The following CASZ1 variants were observed in gnomAD, a reference collection of about 807,000 sequenced individuals.
The protein encoded by CASZ1 is castor zinc finger 1, also known as zinc finger protein castor homolog 1.
Under a neutral mutation model 135.2 loss-of-function variants are expected in CASZ1, and 28 were observed. The observed-to-expected ratio is 0.21, with a 90% CI of 0.15 to 0.28. The LOEUF (loss-of-function observed/expected upper bound fraction) is 0.28. Ranked by LOEUF, CASZ1 falls within the 10% of genes least tolerant of loss-of-function variation. The pLI is 1.00. For synonymous variants in CASZ1, 1,068 were observed against 1,073.4 expected (o/e 0.99, Z 0.10); for missense variants, 2,161 against 2,453.3 (o/e 0.88, Z 2.52).
intron 4 of CASZ1, among the ~76,000 whole-genome samples, chr1:10,674,420 C>T (rs182023464): frequency 7.9e-5 from 12 of 152,378 alleles, no homozygotes; most frequent in Admixed American, 6.5e-4. Context: ...TTCCCCGGCA[C>T]CGCTGCTGCG....
chr1:10,788,003 A>T lies in CASZ1; in HGVS notation c.-234+8561T>A, dbSNP rs11121621. 0.2 allele frequency among the ~76,000 whole-genome samples: 30,674 copies of T among 152,112 alleles called. 3,531 individuals are homozygous for T. Among genetic ancestry groups the T allele is most frequent in the South Asian group, 0.36 (1,727 of 4,822 alleles). On this transcript the variant is annotated intron_variant, in intron 1 of 20. Transcript: ENST00000377022. This position sits in a 1 kb window ranked among gnomAD's most constrained non-coding sequence, Gnocchi z 4.1. ...GAATTGTGCTATTCTCCATGCTGACATCTCTCCACAGAGCAAACTATCCAA... is the reference window on the plus strand; with the variant it reads ...GAATTGTGCTATTCTCCATGCTGACTTCTCTCCACAGAGCAAACTATCCAA...
chr1:10,659,020 GC>G (rs549159816), intron 6 of CASZ1, among the ~76,000 whole-genome samples: 5 of 152,140 alleles, frequency 3.3e-5, no homozygotes, highest in African/African-American at 4.8e-5. Flanking sequence ...GGGTCCGGGA[GC>G]CCCCCCAGGG....
At chr1:10,796,224 T>C (rs925229713) in intron 1 of CASZ1, among the ~76,000 whole-genome samples, 1 of 150,014 alleles carries the variant, frequency 6.7e-6, no homozygotes, top group Admixed American at 6.6e-5. Context: ...ACCCCCTCAG[T>C]TGGAGTAAGC....
At chr1:10,768,834 C>A (rs1035845173) in intron 1 of CASZ1, among the ~76,000 whole-genome samples, 1 of 152,206 alleles carries the variant, frequency 6.6e-6, no homozygotes, top group Non-Finnish European at 1.5e-5. Flanking sequence ...ATGCACCAAC[C>A]TCCCAGGAAT....
In CASZ1 at chr1:10,653,741, G is replaced by A. The variant is rs1243101483; in HGVS notation, c.2316C>T (p.Ile772=). 1.9e-6 allele frequency: 3 copies of A among 1,609,582 alleles called. No individual in the cohort carries two copies. Among genetic ancestry groups the A allele is most frequent in the Non-Finnish European group, 2.5e-6 (3 of 1,177,780 alleles). ...PSATKPPNSK[I]SGLLPQGLPG... is the part of the protein sequence containing the mutation. ...GCAGGCCCTGGGGCAGCAGCCCCGAGATCTTGCTGTTGGGAGGTTTGGTGG... is the reference window on the plus strand; with the variant it reads ...GCAGGCCCTGGGGCAGCAGCCCCGAAATCTTGCTGTTGGGAGGTTTGGTGG... The change falls in exon 11 of 21, where the codon ATC becomes ATT. Residue 772 remains isoleucine (I), a synonymous_variant. Transcript: ENST00000377022.
chr1:10,638,877 G>C lies in CASZ1; in HGVS notation c.*65C>G. The C allele has an allele frequency of 1.0e-6, 1 of 981,584 alleles. No homozygotes were observed. Among genetic ancestry groups the C allele is most frequent in the Non-Finnish European group, 1.2e-6 (1 of 828,282 alleles). 60.8% of individuals were successfully genotyped at this position (981,584 alleles called of 1,614,324 possible). On this transcript the variant is annotated 3_prime_UTR_variant, in exon 21 of 21. Coordinates refer to ENST00000377022, the MANE Select transcript of CASZ1 (RefSeq NM_001079843.3). This position sits in a 1 kb window ranked among gnomAD's most constrained non-coding sequence, Gnocchi z 5.9. ...CGGGGCTCTGCCCAGGGGCCGCTTC[G>C]CGCGGGGCGGCGCCGCTCCCGAGGC...
intron 3 of CASZ1, among the ~76,000 whole-genome samples, chr1:10,702,679 T>A (rs567136915): frequency 6.6e-6 from 1 of 151,442 alleles, no homozygotes; most frequent in Non-Finnish European, 1.5e-5. Flanking sequence ...TGGGTCCAGG[T>A]TTGTGTCTGC....
intron 1 of CASZ1, among the ~76,000 whole-genome samples, chr1:10,771,225 C>A (rs1032068706): frequency 6.6e-5 from 10 of 151,432 alleles, no homozygotes; most frequent in African/African-American, 2.4e-4. Flanking sequence ...GCTTGTTTTT[C>A]CCTTGAGAGG....
rs190459951 is a variant in CASZ1 at position 10,759,427 on chromosome 1, C to T, written c.-77+1274G>A. On this transcript the variant is annotated intron_variant, in intron 2 of 20. Transcript: ENST00000377022. This position sits in a 1 kb window ranked among gnomAD's most constrained non-coding sequence, Gnocchi z 4.2. ...GGACAACGGCAGCACATCCTAAGTA[C>T]GACAGACCAACTTCAGGAGCATGAT... Among the ~76,000 whole-genome samples, 10 of 152,156 alleles carry T rather than the reference C, an allele frequency of 6.6e-5. No individual in the cohort carries two copies. Among genetic ancestry groups the T allele is most frequent in the South Asian group, 6.2e-4 (3 of 4,834 alleles).
Position 10,694,278 on chromosome 1 carries a change from G to T in CASZ1, c.-23-366C>A, listed in dbSNP as rs1311964372. ...AGACCGCGGCCCCCGGGCCTCCCCCGCCCGCGCCCGGTACTCACCATAGTC... is the reference window on the plus strand; with the variant it reads ...AGACCGCGGCCCCCGGGCCTCCCCCTCCCGCGCCCGGTACTCACCATAGTC... On this transcript the variant is annotated intron_variant, in intron 3 of 20. Coordinates refer to ENST00000377022, the MANE Select transcript of CASZ1 (RefSeq NM_001079843.3). This position sits in a 1 kb window ranked among gnomAD's most constrained non-coding sequence, Gnocchi z 6.6. 6 of 1,058,274 alleles carry T rather than the reference G, an allele frequency of 5.7e-6. No homozygotes were observed. The Admixed American group carries it at 1.2e-4, about 22-fold the overall frequency. The allele number at this position is 1,058,274 out of a possible 1,614,324, so 65.6% of individuals were successfully genotyped here.
intron 4 of CASZ1, among the ~76,000 whole-genome samples, chr1:10,675,021 C>A (rs974939573): frequency 6.6e-6 from 1 of 152,062 alleles, no homozygotes; most frequent in Non-Finnish European, 1.5e-5. Context: ...AGATACCCCC[C>A]GCAACCAACT....
rs754239516 is a variant in CASZ1 at position 10,659,853 on chromosome 1, G to T, written c.1189C>A (p.Pro397Thr). The change falls in exon 6 of 21, where the codon CCC (proline) becomes ACC (threonine). Residue 397 changes from proline (P) to threonine (T), a missense_variant. Around this residue, in one of 7 missense-constraint regions of CASZ1, gnomAD observed 590 missense variants for 609.8 expected, o/e 0.97. Transcript: ENST00000377022. Reference protein sequence around the residue: ...AKVPPTPSLAPAPLASVPSAP... With the variant: ...AKVPPTPSLATAPLASVPSAP... ...CTGGGCACGCTGGCGAGGGGTGCGG[G>T]AGCCAGGCTGGGGGTGGGCGGAACC... 1 of 1,612,104 alleles carries T rather than the reference G, an allele frequency of 6.2e-7. No homozygotes were observed.
rs1290640298 is a variant in CASZ1, at chr1:10,699,242, A to G, written c.-23-5330T>C. Among the ~76,000 whole-genome samples the G allele has an allele frequency of 6.6e-6, 1 of 152,188 alleles. No homozygotes were observed. The highest frequency in any genetic ancestry group is 1.5e-5 in the Non-Finnish European group (1 of 68,020). ...CCGTTCTCCTTCCCCTCTCCTGGGA[A>G]GTCAACGGCCCTGAACTGGCCAGGA... On this transcript the variant is annotated intron_variant, in intron 3 of 20. Coordinates refer to ENST00000377022, the MANE Select transcript of CASZ1 (RefSeq NM_001079843.3). This position sits in a 1 kb window ranked among gnomAD's most constrained non-coding sequence, Gnocchi z 4.6.
rs182769064 is a variant in CASZ1, at chr1:10,727,951, G to A, written c.-76-22407C>T. On this transcript the variant is annotated intron_variant, in intron 2 of 20. Coordinates refer to ENST00000377022, the MANE Select transcript of CASZ1 (RefSeq NM_001079843.3). This position sits in a 1 kb window ranked among gnomAD's most constrained non-coding sequence, Gnocchi z 5.3. Reference sequence around the variant, plus strand: ...GGAAGGTTGAACTAACCCCGGGCGCGATGCCACGTGCCCAGAAACTGGGCA... The same window carrying A: ...GGAAGGTTGAACTAACCCCGGGCGCAATGCCACGTGCCCAGAAACTGGGCA... Among the ~76,000 whole-genome samples, 55 of 152,346 alleles carry A rather than the reference G, an allele frequency of 3.6e-4. No homozygotes were observed. In the East Asian group the frequency reaches 7.3e-3, roughly 20 times the overall value.
chr1:10,760,519 G>T (rs1640353341), intron 2 of CASZ1, among the ~76,000 whole-genome samples, 182 bp downstream of exon 2: 1 of 152,262 alleles, frequency 6.6e-6, no homozygotes, highest in Non-Finnish European at 1.5e-5. Context: ...CCAGGCCAGA[G>T]CTTTCTTCTC....
chr1:10,692,701 G>T (rs1022092001), intron 4 of CASZ1, among the ~76,000 whole-genome samples: 1 of 152,128 alleles, frequency 6.6e-6, no homozygotes, highest in African/African-American at 2.4e-5. Flanking sequence ...ACCGGCCACC[G>T]TGCCACCCAT....
chr1:10,673,864 C>T (rs765802934), intron 4 of CASZ1, among the ~76,000 whole-genome samples: 32 of 152,180 alleles, frequency 2.1e-4, no homozygotes, highest in Admixed American at 5.9e-4. Flanking sequence ...ATCCATGCCT[C>T]GGGCTGAGGC....
In CASZ1 at chr1:10,639,674, G is replaced by A. The variant is rs958719463; in HGVS notation, c.4548C>T (p.His1516=). 4.4e-6 allele frequency: 7 copies of A among 1,599,522 alleles called. No homozygotes were observed. The African/African-American group carries it at 6.7e-5, about 15-fold the overall frequency. The change falls in exon 21 of 21, where the codon CAC becomes CAT. Residue 1516 remains histidine (H), a synonymous_variant. Coordinates refer to ENST00000377022, the MANE Select transcript of CASZ1 (RefSeq NM_001079843.3). This position sits in a 1 kb window ranked among gnomAD's most constrained non-coding sequence, Gnocchi z 4.0. ...CPFSGTSTHF[H]CLRCRFRCTD... ...TGCAGCGGAAGCGGCAGCGCAGGCA[G>A]TGGAAGTGCGTGCTGGTGCCCGAGA...
rs1639920296 is a variant in CASZ1, at chr1:10,741,430, G to A, written c.-77+19271C>T. 6.6e-6 allele frequency among the ~76,000 whole-genome samples: 1 copy of A among 152,186 alleles called. No homozygotes were observed. The highest frequency in any genetic ancestry group is 2.4e-5 in the African/African-American group (1 of 41,440). Reference sequence around the variant, plus strand: ...CAGACACAGGTGCACACAAGCTCCAGCACTGGCCCAGGCTGAGGGTGCTCA... The same window carrying A: ...CAGACACAGGTGCACACAAGCTCCAACACTGGCCCAGGCTGAGGGTGCTCA... On this transcript the variant is annotated intron_variant, in intron 2 of 20. Coordinates refer to ENST00000377022, the MANE Select transcript of CASZ1 (RefSeq NM_001079843.3). The surrounding 1 kb of genome is among the most constrained non-coding windows in gnomAD (Gnocchi z 5.0).
Sources: allele counts gnomAD v4.1 joint callset (sites outside exome capture counted in the v4.1 genomes callset), GRCh38; gene constraint gnomAD v4.1.1; regional missense constraint gnomAD v4.1.1; non-coding constraint Gnocchi (gnomAD v3.1); transcripts MANE v1.5; gene names NCBI Gene and HGNC (gene_info 2026-07-23, HGNC 2026-07-21).